The following VRK2 variants were observed in gnomAD, a reference collection of about 807,000 sequenced individuals.
VRK2 encodes the protein VRK serine/threonine kinase 2, also known as serine/threonine-protein kinase VRK2.
A neutral mutation model predicts 57.6 loss-of-function variants in VRK2; 60 were observed. The observed-to-expected ratio is 1.04, with a 90% CI of 0.85 to 1.29. VRK2 has a LOEUF of 1.29. Ranked by LOEUF, VRK2 falls within the 50% of genes most tolerant of loss-of-function variation. VRK2 has a pLI of 0.00. For missense variants in VRK2, 705 were observed against 588.1 expected (o/e 1.20, Z -2.06); for synonymous variants, 231 against 199.2 (o/e 1.16, Z -1.35).
chr2:58,154,847 C>G (rs1683556306), intron 12 of VRK2: 3 of 689,130 alleles, frequency 4.4e-6, no homozygotes, highest in African/African-American at 1.8e-5. Context: ...CCTGTTTGTA[C>G]TGCATCCTGT....
chr2:58,042,414 G>A (rs954683922), upstream of VRK2, among the ~76,000 whole-genome samples: 2 of 152,106 alleles, frequency 1.3e-5, no homozygotes, highest in African/African-American at 2.4e-5. Context: ...GTAAGTTTAT[G>A]AGTGCAAATG....
At chr2:58,010,831 G>C (rs902645585) in intron 1 of VRK2, among the ~76,000 whole-genome samples, 1 of 152,222 alleles carries the variant, frequency 6.6e-6, no homozygotes, top group East Asian at 1.9e-4. Flanking sequence ...TGCAAGGACA[G>C]GGAATTTTCT....
chr2:57,909,377 T>C (rs545477974), intron 1 of VRK2, among the ~76,000 whole-genome samples: 50 of 152,258 alleles, frequency 3.3e-4, no homozygotes, highest in African/African-American at 1.1e-3. Context: ...ACTATGGAGA[T>C]TAAGTACTGC....
chr2:57,924,189 T>C (rs953772675), intron 1 of VRK2, among the ~76,000 whole-genome samples: 3 of 152,122 alleles, frequency 2.0e-5, no homozygotes, highest in East Asian at 1.9e-4. Flanking sequence ...TTGCTTAGGA[T>C]AGCTTTGGCT....
intron 11 of VRK2, among the ~76,000 whole-genome samples, chr2:58,141,505 T>G (rs887135088): frequency 2.6e-5 from 4 of 151,960 alleles, no homozygotes; most frequent in African/African-American, 9.7e-5. Context: ...AAAAAAGCAC[T>G]TAAAAATAAT....
chr2:58,136,769 A>G (rs575627928), intron 10 of VRK2, among the ~76,000 whole-genome samples: 3 of 145,672 alleles, frequency 2.1e-5, no homozygotes, highest in African/African-American at 2.5e-5. Context: ...ACATATATAT[A>G]TATCATATAT....
chr2:58,142,874 A>C (rs539563725), intron 11 of VRK2, among the ~76,000 whole-genome samples: 16 of 152,000 alleles, frequency 1.1e-4, no homozygotes, highest in Non-Finnish European at 1.9e-4. Flanking sequence ...ATATACAGTA[A>C]TATACTATAA....
intron 12 of VRK2, among the ~76,000 whole-genome samples, chr2:58,151,640 TTTGCCCCATTTGTTC>T (rs1683044827): frequency 1.3e-5 from 2 of 151,516 alleles, no homozygotes; most frequent in East Asian, 3.9e-4. Flanking sequence ...TTGCTTTCTT[TTTGCCCCATTTGTTC>T]TTTGTCCCTT....
intron 2 of VRK2, among the ~76,000 whole-genome samples, chr2:58,076,469 A>C (rs892645414): frequency 6.6e-6 from 1 of 152,040 alleles, no homozygotes; most frequent in Non-Finnish European, 1.5e-5. Flanking sequence ...AATTCGAAGT[A>C]TGATTTCTAC....
intron 7 of VRK2, among the ~76,000 whole-genome samples, chr2:58,122,448 A>C (rs1677662312): frequency 6.6e-6 from 1 of 152,364 alleles, no homozygotes; most frequent in African/African-American, 2.4e-5. Flanking sequence ...TATTCTTACA[A>C]TAAAGTAAGC....
chr2:57,989,017 C>CT (rs1346856051), intron 1 of VRK2, among the ~76,000 whole-genome samples: 1 of 152,146 alleles, frequency 6.6e-6, no homozygotes, highest in African/African-American at 2.4e-5. Flanking sequence ...CCCAGTCTAG[C>CT]AAACAGAGGG....
chr2:58,064,327 A>C (rs1390619553), intron 2 of VRK2, among the ~76,000 whole-genome samples: 1 of 152,072 alleles, frequency 6.6e-6, no homozygotes, highest in Non-Finnish European at 1.5e-5. Flanking sequence ...GGCAAACTTC[A>C]TTGCTATCTT....
chr2:58,136,365 T>C (rs547309133), intron 10 of VRK2, among the ~76,000 whole-genome samples: 1 of 151,978 alleles, frequency 6.6e-6, no homozygotes, highest in East Asian at 1.9e-4. Context: ...CAGTACTCCT[T>C]TATGGCTAAT....
intron 1 of VRK2, among the ~76,000 whole-genome samples, chr2:57,910,859 A>G (rs1669965638): frequency 6.6e-6 from 1 of 152,156 alleles, no homozygotes. Flanking sequence ...CACCTAAAGG[A>G]CTAACCAATG....
intron 1 of VRK2, among the ~76,000 whole-genome samples, chr2:57,968,170 T>C (rs575583110): frequency 1.9e-4 from 29 of 152,080 alleles, no homozygotes; most frequent in African/African-American, 6.7e-4. Context: ...AAAAATTAAA[T>C]TATCAGTGTG....
intron 12 of VRK2, among the ~76,000 whole-genome samples, chr2:58,156,895 T>C (rs1346011341): frequency 5.3e-5 from 8 of 152,140 alleles, no homozygotes; most frequent in Non-Finnish European, 1.2e-4. Flanking sequence ...TGCATCTCAT[T>C]TGTAGTAGTT....
upstream of VRK2, among the ~76,000 whole-genome samples, chr2:58,042,732 TGTGC>T (rs927670100): frequency 7.9e-5 from 12 of 152,222 alleles, no homozygotes; most frequent in Non-Finnish European, 7.3e-5. Context: ...AGTCCTTTTG[TGTGC>T]GTGTATTTGT....
chr2:57,966,326 G>A (rs531105774), intron 1 of VRK2, among the ~76,000 whole-genome samples: 1 of 152,178 alleles, frequency 6.6e-6, no homozygotes, highest in South Asian at 2.1e-4. Context: ...GTCACACTGT[G>A]GTCACTTTGA....
chr2:57,962,293 G>A (rs1231097860), intron 1 of VRK2, among the ~76,000 whole-genome samples: 2 of 152,126 alleles, frequency 1.3e-5, no homozygotes, highest in African/African-American at 2.4e-5. Context: ...AACTCCCAGA[G>A]AGACAATTCG....
Sources: allele counts gnomAD v4.1 joint callset (sites outside exome capture counted in the v4.1 genomes callset), GRCh38; gene constraint gnomAD v4.1.1; transcripts MANE v1.5; gene names NCBI Gene and HGNC (gene_info 2026-07-23, HGNC 2026-07-21).